USP42: variants seen among roughly 807,000 people sequenced by gnomAD.
The protein encoded by USP42 is ubiquitin carboxyl-terminal hydrolase 42.
In USP42, 23 loss-of-function variants were observed where a neutral mutation model predicts 113.0. The ratio of observed to expected loss-of-function variants is 0.20; its 90% CI spans 0.15 to 0.29. USP42 has a LOEUF of 0.29. USP42 is among the 10% of genes least tolerant of loss of function. The pLI is 1.00. For missense variants in USP42, 2,174 were observed against 1,779.8 expected (o/e 1.22, Z -3.99); for synonymous variants, 933 against 699.0 (o/e 1.33, Z -5.28).
rs1782660068 is a variant in USP42, at chr7:6,159,650, C to T, written c.*36+157C>T. ...CGGCAGGTTCCCAGCCAGCCCAGAC[C>T]CAGGCCACGCGCTTGGGGACAGACC... is the stretch of plus-strand genomic sequence containing the variant. On this transcript the variant is annotated intron_variant, in intron 17 of 17. Transcript: ENST00000306177. This position sits in a 1 kb window ranked among gnomAD's most constrained non-coding sequence, Gnocchi z 4.1. Among the ~76,000 whole-genome samples the T allele has an allele frequency of 6.6e-6, 1 of 152,186 alleles. No homozygotes were observed. The highest frequency in any genetic ancestry group is 6.5e-5 in the Admixed American group (1 of 15,288).
rs1167683698 is a variant in USP42 at position 6,155,206 on chromosome 7, G to A, written c.3641+11G>A. ...AGACCGCGACTCCAGGTGAGCCTGG[G>A]GCCTTGTGCTCCCCGAGGCGCTGGC... On this transcript the variant is annotated intron_variant, in intron 15 of 17. Transcript: ENST00000306177. 1 of 1,517,566 alleles carries A rather than the reference G, an allele frequency of 6.6e-7. No individual in the cohort carries two copies. Among genetic ancestry groups the A allele is most frequent in the East Asian group, 2.5e-5 (1 of 40,778 alleles). The allele number at this position is 1,517,566 out of a possible 1,614,324, so 94.0% of individuals were successfully genotyped here.
Position 6,111,114 on chromosome 7 carries a change from A to T in USP42, c.-9-11A>T, listed in dbSNP as rs780078903. 1.2e-6 allele frequency: 2 copies of T among 1,601,890 alleles called. No individual in the cohort carries two copies. Among genetic ancestry groups the T allele is most frequent in the East Asian group, 2.2e-5 (1 of 44,588 alleles). On this transcript the variant is annotated splice_polypyrimidine_tract_variant and intron_variant, in intron 1 of 17. Coordinates refer to ENST00000306177, the MANE Select transcript of USP42 (RefSeq NM_032172.3). ...CTGATGAAACAAATACATACTTTTC[A>T]TCTTTTGCAGAGTTGAACAATGACC...
At chr7:6,087,712 T>C in the USP42 span, among the ~76,000 whole-genome samples, 1 of 151,142 alleles carries the variant, frequency 6.6e-6, no homozygotes, top group Non-Finnish European at 1.5e-5. Context: ...CTCCAACAAC[T>C]ATTTGAGATA....
the USP42 span, among the ~76,000 whole-genome samples, chr7:6,096,138 G>C: frequency 1.3e-5 from 2 of 150,960 alleles, 1 homozygote; most frequent in African/African-American, 5.0e-5. Context: ...CACTGAGACA[G>C]CTAACCTCAG....
intron 3 of USP42, among the ~76,000 whole-genome samples, chr7:6,132,352 T>C (rs1049742766): frequency 6.6e-6 from 1 of 152,172 alleles, no homozygotes; most frequent in African/African-American, 2.4e-5. Flanking sequence ...GCTTTTGTTT[T>C]TGTTTTGTTT....
chr7:6,099,363 C>T, the USP42 span, among the ~76,000 whole-genome samples: 2 of 148,256 alleles, frequency 1.3e-5, no homozygotes, highest in African/African-American at 2.5e-5. Context: ...TACAGGCACC[C>T]GCCACCATGC....
rs374046009 is a variant in USP42, at chr7:6,149,970, G to A, written c.1774G>A (p.Val592Met). 1.7e-5 allele frequency: 28 copies of A among 1,613,746 alleles called. No individual in the cohort carries two copies. The highest frequency in any genetic ancestry group is 9.3e-5 in the African/African-American group (7 of 74,936). Residue 592 changes from valine to methionine, a missense_variant, in exon 13 of 18, where the codon GTG becomes ATG. Coordinates refer to ENST00000306177, the MANE Select transcript of USP42 (RefSeq NM_032172.3). ...IPRSESCSQP[V>M]MNGKSKLNSS... ...CCGCAGTGAATCCTGCTCCCAGCCC[G>A]TGATGAATGGCAAATCCAAGCTGAA...
chr7:6,152,522 C>A (rs544685815), intron 14 of USP42, among the ~76,000 whole-genome samples: 2 of 151,750 alleles, frequency 1.3e-5, no homozygotes, highest in East Asian at 1.9e-4. Context: ...AGTGCCCTCA[C>A]TGAGGCCCTC....
the USP42 span, among the ~76,000 whole-genome samples, chr7:6,087,839 C>G: frequency 6.6e-6 from 1 of 151,174 alleles, no homozygotes; most frequent in South Asian, 2.1e-4. Flanking sequence ...ATGTTTGATA[C>G]TAATTATAAG....
At chr7:6,090,585 C>T in the USP42 span, among the ~76,000 whole-genome samples, 1 of 145,942 alleles carries the variant, frequency 6.9e-6, no homozygotes, top group Admixed American at 6.8e-5. Flanking sequence ...CACGGTTGTG[C>T]ATGCCTGTAA....
the USP42 span, among the ~76,000 whole-genome samples, chr7:6,086,742 T>G: frequency 6.7e-6 from 1 of 149,872 alleles, no homozygotes; most frequent in Non-Finnish European, 1.5e-5. Context: ...TCCTTTCTTT[T>G]TGAGATGGAG....
chr7:6,140,872 G>GATT (rs771053020), intron 6 of USP42, 42 bp from the exon 7 acceptor site: 1 of 1,128,230 alleles, frequency 8.9e-7, no homozygotes, highest in South Asian at 1.4e-5. Context: ...TTGCTGTAAT[G>GATT]ATTATACTTT....
chr7:6,108,533 T>C (rs765533705), intron 1 of USP42, among the ~76,000 whole-genome samples: 8 of 152,112 alleles, frequency 5.3e-5, no homozygotes, highest in Non-Finnish European at 1.2e-4. Context: ...CAGGCTGGAG[T>C]GCAGTGGCGC....
At chr7:6,146,974 C>T (rs1459788318) in intron 11 of USP42, among the ~76,000 whole-genome samples, 1 of 152,254 alleles carries the variant, frequency 6.6e-6, no homozygotes, top group African/African-American at 2.4e-5. Flanking sequence ...GCACCCGCAC[C>T]CAGCTCTGTC....
chr7:6,121,210 C>G (rs1780210127), intron 3 of USP42, among the ~76,000 whole-genome samples: 1 of 152,024 alleles, frequency 6.6e-6, no homozygotes, highest in African/African-American at 2.4e-5. Context: ...GAGTAAAAAT[C>G]CATGTCTCTT....
chr7:6,098,269 C>T, the USP42 span, among the ~76,000 whole-genome samples: 2 of 150,252 alleles, frequency 1.3e-5, no homozygotes, highest in South Asian at 2.1e-4. Flanking sequence ...ACCCAGCATC[C>T]TTGACAAAGT....
Position 6,139,785 on chromosome 7 carries a change from C to T in USP42, c.657-343C>T, listed in dbSNP as rs1012877178. The T allele has an allele frequency of 2.6e-6, 1 of 383,636 alleles. No homozygotes were observed. The allele number at this position is 383,636 out of a possible 1,614,324, so 23.8% of individuals were successfully genotyped here. A position where few individuals can be genotyped will look rare whatever the true frequency, so the allele number is the denominator to read the frequency against. On this transcript the variant is annotated intron_variant, in intron 5 of 17. Coordinates refer to ENST00000306177, the MANE Select transcript of USP42 (RefSeq NM_032172.3). The surrounding 1 kb of genome is among the most constrained non-coding windows in gnomAD (Gnocchi z 4.5). Reference sequence around the variant, plus strand: ...CATACTTGGGTCGGAGGAAGACTCTCTGCCTTTTCCGCCTCCGCTCCCTTT... The same window carrying T: ...CATACTTGGGTCGGAGGAAGACTCTTTGCCTTTTCCGCCTCCGCTCCCTTT...
intron 3 of USP42, chr7:6,116,761 C>G (rs755183520): frequency 3.8e-6 from 2 of 532,884 alleles, no homozygotes; most frequent in South Asian, 2.8e-5. Context: ...CCAGAATTAA[C>G]GTTCTGTTTG....
In USP42 at chr7:6,157,924, C is replaced by T. The variant is rs1387955339; in HGVS notation, c.3943+869C>T. 6.6e-6 allele frequency among the ~76,000 whole-genome samples: 1 copy of T among 152,204 alleles called. No homozygotes were observed. Among genetic ancestry groups the T allele is most frequent in the Admixed American group, 6.5e-5 (1 of 15,276 alleles). On this transcript the variant is annotated intron_variant, in intron 16 of 17. Coordinates refer to ENST00000306177, the MANE Select transcript of USP42 (RefSeq NM_032172.3). The surrounding 1 kb of genome is among the most constrained non-coding windows in gnomAD (Gnocchi z 4.1). ...CACTTGAGGCAGCCCCCCACTTCCT[C>T]TCCCGTTGGTGTCCGGTGACCGCTC...
Sources: gnomAD v4.1 joint callset for allele counts (sites outside exome capture counted in the v4.1 genomes callset) on GRCh38, gnomAD v4.1.1 for gene constraint, Gnocchi (gnomAD v3.1) non-coding constraint, MANE v1.5 for transcripts, NCBI Gene and HGNC (gene_info 2026-07-23, HGNC 2026-07-21) for gene names.